Variants in LIMCH1 observed in about 807,000 individuals in gnomAD.
LIMCH1 encodes the protein LIM and calponin homology domains 1, also known as LIM and calponin homology domains-containing protein 1.
A neutral mutation model predicts 176.5 loss-of-function variants in LIMCH1; 113 were observed. The observed-to-expected ratio is 0.64, with a 90% confidence interval of 0.55 to 0.75. LIMCH1 has a LOEUF of 0.75. LIMCH1 is among the 30% of genes least tolerant of loss of function. LIMCH1 has a pLI of 0.00. For missense variants in LIMCH1, 1,674 were observed against 1,814.9 expected (o/e 0.92, Z 1.41); for synonymous variants, 619 against 645.9 (o/e 0.96, Z 0.63).
chr4:41,375,948 C>T (rs766261386), intron 1 of LIMCH1, among the ~76,000 whole-genome samples: 4 of 152,082 alleles, frequency 2.6e-5, no homozygotes, highest in Non-Finnish European at 5.9e-5. Flanking sequence ...TGACAGTTTT[C>T]TAGATTTCTT....
intron 2 of LIMCH1, among the ~76,000 whole-genome samples, chr4:41,507,438 C>G (rs940279375): frequency 5.1e-4 from 78 of 152,044 alleles, no homozygotes; most frequent in African/African-American, 1.7e-3. Flanking sequence ...CAAGAGTCAC[C>G]TCATTAGAGC....
intron 3 of LIMCH1, among the ~76,000 whole-genome samples, chr4:41,531,686 C>A (rs2077335197): frequency 6.6e-6 from 1 of 152,116 alleles, no homozygotes; most frequent in Non-Finnish European, 1.5e-5. Flanking sequence ...GACTCGGCTC[C>A]TTTTGCCCCT....
intron 1 of LIMCH1, among the ~76,000 whole-genome samples, chr4:41,366,486 A>G (rs2053005778): frequency 6.6e-6 from 1 of 152,180 alleles, no homozygotes; most frequent in Non-Finnish European, 1.5e-5. Flanking sequence ...TTTACATCTG[A>G]GGCAGAAGAA....
intron 1 of LIMCH1, among the ~76,000 whole-genome samples, chr4:41,396,086 T>C (rs1436142413): frequency 1.3e-5 from 2 of 151,888 alleles, no homozygotes; most frequent in African/African-American, 4.8e-5. Context: ...GGGCTGTGAG[T>C]GAGGAGGAGC....
In LIMCH1 at chr4:41,670,843, G is replaced by A. The variant is rs2094991763; in HGVS notation, c.3398-711G>A. On this transcript the variant is annotated intron_variant, in intron 21 of 31. Transcript: ENST00000503057. ...TTTCTTTTGTGCGAAAATCCATGTT[G>A]GGGCGATCAATGATGTGTGGCACTT... 7.2e-6 allele frequency: 11 copies of A among 1,532,194 alleles called. No homozygotes were observed. The South Asian group carries it at 1.2e-4, about 17-fold the overall frequency. The allele number at this position is 1,532,194 out of a possible 1,614,324, so 94.9% of individuals were successfully genotyped here. A position where few individuals can be genotyped will look rare whatever the true frequency, so the allele number is the denominator to read the frequency against.
chr4:41,616,054 T>A (rs942016758), intron 5 of LIMCH1, among the ~76,000 whole-genome samples: 1 of 152,152 alleles, frequency 6.6e-6, no homozygotes, highest in Non-Finnish European at 1.5e-5. Flanking sequence ...CTTAATGGGC[T>A]TCATTGAAGA....
intron 2 of LIMCH1, among the ~76,000 whole-genome samples, chr4:41,506,415 A>G (rs950012358): frequency 1.3e-5 from 2 of 152,178 alleles, no homozygotes; most frequent in African/African-American, 4.8e-5. Flanking sequence ...ATTTTATCAC[A>G]TGGAGGAATT....
intron 1 of LIMCH1, among the ~76,000 whole-genome samples, chr4:41,381,175 C>T (rs2055601143): frequency 6.6e-6 from 1 of 152,202 alleles, no homozygotes; most frequent in Non-Finnish European, 1.5e-5. Context: ...AATATAGATT[C>T]TAGCACCAAG....
At chr4:41,504,860 A>T (rs1443474531) in intron 2 of LIMCH1, among the ~76,000 whole-genome samples, 2 of 152,232 alleles carry the variant, frequency 1.3e-5, no homozygotes, top group Non-Finnish European at 2.9e-5. Context: ...AAATCCTATG[A>T]AATTGTGTCA....
chr4:41,481,912 G>A (rs186856778), intron 1 of LIMCH1, among the ~76,000 whole-genome samples: 1 of 151,658 alleles, frequency 6.6e-6, no homozygotes, highest in East Asian at 1.9e-4. Context: ...GTGCAGTGGT[G>A]CAATCTCAGC....
chr4:41,679,940 G>C (rs1420526624), intron 23 of LIMCH1, 66 bp from the exon 24 acceptor site: 4 of 1,021,754 alleles, frequency 3.9e-6, no homozygotes, highest in East Asian at 2.5e-5. Flanking sequence ...GGTGGTTTAG[G>C]GGGGAAAATT....
intron 8 of LIMCH1, 91 bp from the exon 9 acceptor site, chr4:41,629,401 G>A: frequency 7.0e-7 from 1 of 1,425,860 alleles, no homozygotes; most frequent in Non-Finnish European, 9.4e-7. Context: ...TCCTCAGCCT[G>A]TGAGTTTCCA....
At chr4:41,470,673 C>T (rs2066819260) in intron 1 of LIMCH1, among the ~76,000 whole-genome samples, 1 of 152,142 alleles carries the variant, frequency 6.6e-6, no homozygotes, top group Admixed American at 6.5e-5. Context: ...CTTACACAAC[C>T]CCTTAACAAT....
At chr4:41,390,257 A>C (rs1284221106) in intron 1 of LIMCH1, among the ~76,000 whole-genome samples, 1 of 151,560 alleles carries the variant, frequency 6.6e-6, no homozygotes, top group African/African-American at 2.4e-5. Context: ...AGAGAGAGAG[A>C]GAGAGAGAGA....
chr4:41,362,026 T>A (rs1207192651), intron 1 of LIMCH1, among the ~76,000 whole-genome samples: 1 of 152,144 alleles, frequency 6.6e-6, no homozygotes, highest in Admixed American at 6.5e-5. Flanking sequence ...ACTTAGTGAC[T>A]CCCCACTCCG....
intron 2 of LIMCH1, among the ~76,000 whole-genome samples, chr4:41,521,381 T>C (rs1309299472): frequency 6.6e-6 from 1 of 152,168 alleles, no homozygotes; most frequent in Non-Finnish European, 1.5e-5. Flanking sequence ...TGGGAAATAA[T>C]GCACCTCAGA....
chr4:41,402,757 A>C (rs1304236091), intron 1 of LIMCH1, among the ~76,000 whole-genome samples: 1 of 147,164 alleles, frequency 6.8e-6, no homozygotes, highest in African/African-American at 2.5e-5. Flanking sequence ...GTTCTCACTC[A>C]TAGATGAGAA....
At chr4:41,430,445 G>A (rs1264771408) in intron 1 of LIMCH1, among the ~76,000 whole-genome samples, 1 of 152,116 alleles carries the variant, frequency 6.6e-6, no homozygotes, top group African/African-American at 2.4e-5. Flanking sequence ...CGTATTTTTA[G>A]TTGAGATGGA....
chr4:41,683,645 G>A (rs552303602), intron 26 of LIMCH1, among the ~76,000 whole-genome samples: 9 of 152,142 alleles, frequency 5.9e-5, no homozygotes, highest in Non-Finnish European at 1.3e-4. Flanking sequence ...TTTCCTGGTG[G>A]GATTTTGCTC....
Sources: allele counts gnomAD v4.1 joint callset (sites outside exome capture counted in the v4.1 genomes callset), GRCh38; gene constraint gnomAD v4.1.1; transcripts MANE v1.5; gene names NCBI Gene and HGNC (gene_info 2026-07-23, HGNC 2026-07-21).